Variants in PIK3AP1 observed in about 807,000 individuals in gnomAD.
The protein encoded by PIK3AP1 is phosphoinositide 3-kinase adapter protein 1.
Under a neutral mutation model 88.1 loss-of-function variants are expected in PIK3AP1, and 21 were observed. The observed-to-expected ratio is 0.24, with a 90% confidence interval of 0.17 to 0.34. The LOEUF (loss-of-function observed/expected upper bound fraction) is 0.34. Ranked by LOEUF, PIK3AP1 falls within the 10% of genes least tolerant of loss-of-function variation. The probability of loss-of-function intolerance (pLI) is 1.00; values close to 1 mark genes in which losing one functional copy is unlikely to be tolerated. For synonymous variants in PIK3AP1, 398 were observed against 400.0 expected (o/e 1.00, Z 0.06); for missense variants, 828 against 1,035.7 (o/e 0.80, Z 2.75).
chr10:96,656,220 AAATGGC>A (rs1843613129), intron 3 of PIK3AP1, among the ~76,000 whole-genome samples: 1 of 152,262 alleles, frequency 6.6e-6, no homozygotes, highest in Non-Finnish European at 1.5e-5. Flanking sequence ...GGTAGGATTC[AAATGGC>A]AGTGGCTCAT....
intron 8 of PIK3AP1, among the ~76,000 whole-genome samples, chr10:96,644,127 C>G (rs1018231472): frequency 2.0e-5 from 3 of 152,106 alleles, no homozygotes; most frequent in African/African-American, 7.2e-5. Flanking sequence ...GGCACTGCCC[C>G]CTGGGGGCGT....
intron 2 of PIK3AP1, among the ~76,000 whole-genome samples, chr10:96,682,045 G>A (rs1438613222): frequency 6.6e-6 from 1 of 151,944 alleles, no homozygotes; most frequent in African/African-American, 2.4e-5. Context: ...GAAACAAGGG[G>A]GGGATGCACT....
Position 96,694,930 on chromosome 10 carries a change from T to C in PIK3AP1, c.430+14637A>G, listed in dbSNP as rs7090754. ...TGTTTTGCAGAGTATGGGCAAGTTT[T>C]AATCACATGCATGCCCCGGACCATG... On this transcript the variant is annotated intron_variant, in intron 2 of 16. Transcript: ENST00000339364. 9.3e-3 allele frequency among the ~76,000 whole-genome samples: 1,418 copies of C among 152,350 alleles called. 12 individuals carry two copies. Among genetic ancestry groups the C allele is most frequent in the Middle Eastern group, 0.027 (8 of 294 alleles).
chr10:96,696,933 C>T (rs1844229112), intron 2 of PIK3AP1, among the ~76,000 whole-genome samples: 1 of 152,142 alleles, frequency 6.6e-6, no homozygotes, highest in Admixed American at 6.5e-5. Flanking sequence ...TATGTAAAAT[C>T]ACACATAGTT....
At chr10:96,632,407 A>AT (rs35406169) in intron 8 of PIK3AP1, among the ~76,000 whole-genome samples, 5,479 of 146,160 alleles carry the variant, frequency 0.037, 191 homozygotes, top group African/African-American at 0.095. Flanking sequence ...TTTCAAAATA[A>AT]TTTTTTTTTT....
At chr10:96,600,035 A>C (rs1848859599) in intron 16 of PIK3AP1, among the ~76,000 whole-genome samples, 2 of 152,124 alleles carry the variant, frequency 1.3e-5, no homozygotes, top group East Asian at 3.9e-4. Flanking sequence ...AAACTTGACA[A>C]CTCTTTTATC....
intron 16 of PIK3AP1, among the ~76,000 whole-genome samples, chr10:96,600,974 C>G (rs1237281850): frequency 6.6e-6 from 1 of 151,958 alleles, no homozygotes; most frequent in Non-Finnish European, 1.5e-5. Flanking sequence ...ACCAGAGGCC[C>G]AAGTATCATA....
Position 96,594,468 on chromosome 10 carries a change from TTTGTA to T in PIK3AP1, c.*1104_*1108del, listed in dbSNP as rs1848723350. 6.6e-6 allele frequency: 1 copy of T among 152,244 alleles called. No homozygotes were observed. Among genetic ancestry groups the T allele is most frequent in the South Asian group, 2.1e-4 (1 of 4,832 alleles). The allele number at this position is 152,244 out of a possible 1,614,324, so 9.4% of individuals were successfully genotyped here. On this transcript the variant is annotated 3_prime_UTR_variant, in exon 17 of 17. Transcript: ENST00000339364. This position sits in a 1 kb window ranked among gnomAD's most constrained non-coding sequence, Gnocchi z 4.6. ...AAATTCAAGTTTTGCTTTTTGAAACTTTGTAGATTTTTTTTCAAATATTTTTGATC... is the reference window on the plus strand; with the variant it reads ...AAATTCAAGTTTTGCTTTTTGAAACTGATTTTTTTTCAAATATTTTTGATC...
At chr10:96,611,607 C>T (rs538849208) in intron 13 of PIK3AP1, among the ~76,000 whole-genome samples, 2 of 152,244 alleles carry the variant, frequency 1.3e-5, no homozygotes, top group East Asian at 1.9e-4. Flanking sequence ...GTAGCTGGGA[C>T]TACAGGCACG....
Position 96,709,607 on chromosome 10 carries a change from T to C in PIK3AP1, c.390A>G (p.Pro130=). The C allele has an allele frequency of 2.5e-6, 4 of 1,614,004 alleles. No individual in the cohort carries two copies. The highest frequency in any genetic ancestry group is 3.4e-6 in the Non-Finnish European group (4 of 1,179,930). Residue 130 remains proline (P), a synonymous_variant, in exon 2 of 17, where the codon CCA becomes CCG. Transcript: ENST00000339364. The part of the protein sequence containing the change: ...HWQELTCDDE[P]ETYVAAVKKA... ...TTTTCACAGCTGCCACGTAGGTCTC[T>C]GGCTCATCGTCACAGGTGAGCTCCT...
chr10:96,655,101 G>C (rs979386728), intron 3 of PIK3AP1, among the ~76,000 whole-genome samples: 2 of 152,148 alleles, frequency 1.3e-5, no homozygotes, highest in Non-Finnish European at 1.5e-5. Flanking sequence ...TGTTGCCCAG[G>C]CTGGTCTCAA....
At chr10:96,679,411 C>T (rs1226500339) in intron 2 of PIK3AP1, among the ~76,000 whole-genome samples, 1 of 151,952 alleles carries the variant, frequency 6.6e-6, no homozygotes, top group Non-Finnish European at 1.5e-5. Context: ...GCTTATAGTC[C>T]CAGCTACTCA....
intron 1 of PIK3AP1, among the ~76,000 whole-genome samples, chr10:96,711,767 TTTA>T: frequency 7.0e-6 from 1 of 143,356 alleles, no homozygotes; most frequent in African/African-American, 2.7e-5. Flanking sequence ...TTTTTTTTTT[TTTA>T]GACGGAGTCT....
intron 4 of PIK3AP1, among the ~76,000 whole-genome samples, chr10:96,652,015 T>C (rs1293534969): frequency 6.6e-6 from 1 of 152,140 alleles, no homozygotes; most frequent in Non-Finnish European, 1.5e-5. Flanking sequence ...GGAAAAATCA[T>C]GGGAGGTGAA....
intron 2 of PIK3AP1, among the ~76,000 whole-genome samples, chr10:96,674,392 T>C (rs1403220820): frequency 6.6e-6 from 1 of 152,222 alleles, no homozygotes; most frequent in African/African-American, 2.4e-5. Flanking sequence ...GATGGATTTA[T>C]TTATGCCTGC....
intron 2 of PIK3AP1, among the ~76,000 whole-genome samples, chr10:96,666,725 CTAATCTCATT>C (rs1017552429): frequency 7.9e-5 from 12 of 151,918 alleles, no homozygotes; most frequent in Non-Finnish European, 1.5e-5. Flanking sequence ...CTCAATAGTC[CTAATCTCATT>C]TAATCCTCAG....
intron 1 of PIK3AP1, among the ~76,000 whole-genome samples, chr10:96,711,881 G>A (rs1206384869): frequency 2.0e-5 from 3 of 149,216 alleles, no homozygotes; most frequent in South Asian, 4.3e-4. Context: ...CTCCCAAGTA[G>A]CTGGGACTAC....
intron 1 of PIK3AP1, among the ~76,000 whole-genome samples, chr10:96,716,709 T>G (rs1844507222): frequency 1.3e-5 from 2 of 152,232 alleles, no homozygotes; most frequent in South Asian, 2.1e-4. Flanking sequence ...GCTTTTCCAC[T>G]TATCCTCAAT....
intron 8 of PIK3AP1, among the ~76,000 whole-genome samples, chr10:96,633,858 C>A (rs911956198): frequency 5.3e-5 from 8 of 152,304 alleles, no homozygotes; most frequent in East Asian, 1.9e-4. Context: ...CTTCAGACAA[C>A]AAACATCAAT....
Sources: allele counts gnomAD v4.1 joint callset (sites outside exome capture counted in the v4.1 genomes callset), GRCh38; gene constraint gnomAD v4.1.1; non-coding constraint Gnocchi (gnomAD v3.1); transcripts MANE v1.5; gene names NCBI Gene and HGNC (gene_info 2026-07-23, HGNC 2026-07-21).